The following CRADD variants were observed in gnomAD, a reference collection of about 807,000 sequenced individuals.
CRADD encodes CARD and death domain containing adaptor protein, also known as death domain-containing protein CRADD.
Under a neutral mutation model 15.5 loss-of-function variants are expected in CRADD, and 9 were observed. That is an observed-to-expected ratio of 0.58 (90% CI 0.35 to 1.01). The LOEUF is 1.01. Ranked by LOEUF, CRADD falls within the 50% of genes least tolerant of loss-of-function variation. The pLI, the probability that CRADD is intolerant of heterozygous loss-of-function variation, is 0.02. For missense variants in CRADD, 227 were observed against 250.3 expected (o/e 0.91, Z 0.63); for synonymous variants, 118 against 107.6 (o/e 1.10, Z -0.60).
Position 93,865,419 on chromosome 12 carries a change from CTTTA to C in CRADD, c.299-28619_299-28616del, listed in dbSNP as rs143919014. Among the ~76,000 whole-genome samples the C allele has an allele frequency of 6.1e-3, 928 of 152,128 alleles. 35 individuals are homozygous for C. The East Asian group carries it at 0.11, about 18-fold the overall frequency. On this transcript the variant is annotated intron_variant, in intron 2 of 2. Coordinates refer to the CRADD transcript ENST00000548483. Reference sequence around the variant, plus strand: ...ATAACCTACCACATCCTCTTGTATACTTTATTTATTTATTTTGAGACAGGATCTC... The same window carrying C: ...ATAACCTACCACATCCTCTTGTATACTTTATTTATTTTGAGACAGGATCTC...
chr12:93,789,764 A>G (rs927544999), intron 2 of CRADD, among the ~76,000 whole-genome samples: 8 of 152,100 alleles, frequency 5.3e-5, no homozygotes, highest in African/African-American at 1.9e-4. Context: ...AGTATACCTC[A>G]ATAAAGTAGT....
At position 93,887,461 on chromosome 12, in the gene CRADD, G is replaced by A. The variant is rs149523460; in HGVS notation, c.299-6589G>A. Reference sequence around the variant, plus strand: ...TCCGTCTGGCAAGAAGAAATTAAGCGAAACTCAGGAAGTTCTTAAATATGT... The same window carrying A: ...TCCGTCTGGCAAGAAGAAATTAAGCAAAACTCAGGAAGTTCTTAAATATGT... On this transcript the variant is annotated intron_variant, in intron 2 of 2. Transcript: ENST00000548483. Among the ~76,000 whole-genome samples the A allele has an allele frequency of 1.2e-3, 181 of 152,298 alleles. 2 individuals are homozygous for A. In the East Asian group the frequency reaches 0.031, roughly 26 times the overall value.
At chr12:93,847,498 G>GAAA (rs11378030) in intron 2 of CRADD, among the ~76,000 whole-genome samples, 62 of 62,880 alleles carry the variant, frequency 9.9e-4, no homozygotes, top group East Asian at 7.5e-3. Context: ...AGCATTGCTT[G>GAAA]AAAAAAAAAA....
At chr12:93,699,878 G>T (rs1291635503) in intron 2 of CRADD, among the ~76,000 whole-genome samples, 1 of 152,236 alleles carries the variant, frequency 6.6e-6, no homozygotes, top group Non-Finnish European at 1.5e-5. Flanking sequence ...TTTGAAGTCT[G>T]TATGGTAAGA....
At chr12:93,742,785 G>T (rs1256197173) in intron 2 of CRADD, among the ~76,000 whole-genome samples, 1 of 152,114 alleles carries the variant, frequency 6.6e-6, no homozygotes, top group Non-Finnish European at 1.5e-5. Flanking sequence ...GCAATTTCTT[G>T]TTGTGTCCCG....
chr12:93,800,370 C>T (rs1252207509), intron 2 of CRADD, among the ~76,000 whole-genome samples: 1 of 152,148 alleles, frequency 6.6e-6, no homozygotes, highest in Non-Finnish European at 1.5e-5. Flanking sequence ...GGGCCCTCTA[C>T]AGACTGGATG....
intron 2 of CRADD, among the ~76,000 whole-genome samples, chr12:93,817,301 A>T (rs923302999): frequency 6.6e-6 from 1 of 152,088 alleles, no homozygotes; most frequent in African/African-American, 2.4e-5. Context: ...AGAGCTGTCT[A>T]TGTTCAGCTG....
At chr12:93,689,461 A>G (rs191711188) in intron 2 of CRADD, among the ~76,000 whole-genome samples, 31 of 152,314 alleles carry the variant, frequency 2.0e-4, no homozygotes, top group African/African-American at 7.5e-4. Context: ...TAAAAAAAAG[A>G]AAAAAAGGTA....
At chr12:93,869,489 C>A (rs954689836) in intron 2 of CRADD, among the ~76,000 whole-genome samples, 5 of 152,040 alleles carry the variant, frequency 3.3e-5, no homozygotes, top group Non-Finnish European at 5.9e-5. Flanking sequence ...TTTAAAATTA[C>A]TATTGTAAAT....
intron 2 of CRADD, among the ~76,000 whole-genome samples, chr12:93,742,461 C>A (rs1017323584): frequency 6.6e-6 from 1 of 150,854 alleles, no homozygotes; most frequent in South Asian, 2.1e-4. Flanking sequence ...CTGCGGGCCC[C>A]GGCTGCCCAG....
At chr12:93,859,583 G>A in intron 2 of CRADD, 1 of 302,044 alleles carries the variant, frequency 3.3e-6, no homozygotes, top group East Asian at 8.0e-5. Context: ...GAAAGGAAGG[G>A]GTCCTGGTCT....
chr12:93,810,040 A>G (rs1489435238), intron 2 of CRADD, among the ~76,000 whole-genome samples: 1 of 152,214 alleles, frequency 6.6e-6, no homozygotes, highest in African/African-American at 2.4e-5. Flanking sequence ...AGGCTTGTCC[A>G]AATTGCGTGT....
chr12:93,849,664 C>A (rs1486899374), intron 2 of CRADD, among the ~76,000 whole-genome samples: 1 of 151,656 alleles, frequency 6.6e-6, no homozygotes, highest in Non-Finnish European at 1.5e-5. Context: ...TCACTTCAAC[C>A]CAGGAGGTGG....
chr12:93,819,383 A>G (rs1957743911), intron 2 of CRADD, among the ~76,000 whole-genome samples: 1 of 152,234 alleles, frequency 6.6e-6, no homozygotes, highest in African/African-American at 2.4e-5. Flanking sequence ...TGGAAGAGTG[A>G]GAACTAAAAG....
At chr12:93,769,350 C>T (rs1957059249) in intron 2 of CRADD, among the ~76,000 whole-genome samples, 1 of 152,186 alleles carries the variant, frequency 6.6e-6, no homozygotes, top group South Asian at 2.1e-4. Context: ...TCCCAAAATG[C>T]TGAGATTAAA....
intron 2 of CRADD, among the ~76,000 whole-genome samples, chr12:93,780,475 A>G (rs1327006661): frequency 1.3e-5 from 2 of 152,230 alleles, no homozygotes. Flanking sequence ...GAAGTTACAC[A>G]GTCGGTAAAT....
chr12:93,865,886 G>A (rs1227105756), intron 2 of CRADD, among the ~76,000 whole-genome samples: 4 of 152,122 alleles, frequency 2.6e-5, no homozygotes, highest in Non-Finnish European at 5.9e-5. Flanking sequence ...ACCCACAGAT[G>A]TTTGAGAGCT....
chr12:93,801,209 A>G (rs1957473516), intron 2 of CRADD, among the ~76,000 whole-genome samples: 1 of 152,150 alleles, frequency 6.6e-6, no homozygotes, highest in African/African-American at 2.4e-5. Flanking sequence ...TTCCTTATCA[A>G]CCTTTCACAA....
chr12:93,715,566 G>T (rs1956146908), intron 2 of CRADD, among the ~76,000 whole-genome samples: 1 of 152,084 alleles, frequency 6.6e-6, no homozygotes, highest in South Asian at 2.1e-4. Context: ...TTGAGCCCAG[G>T]AGTTCCAGAC....
Sources: gnomAD v4.1 joint callset for allele counts (sites outside exome capture counted in the v4.1 genomes callset) on GRCh38, gnomAD v4.1.1 for gene constraint, MANE v1.5 for transcripts, NCBI Gene and HGNC (gene_info 2026-07-23, HGNC 2026-07-21) for gene names.